The following INPP4B variants were observed in gnomAD, a reference collection of about 807,000 sequenced individuals.
The protein encoded by INPP4B is inositol polyphosphate-4-phosphatase type II B.
Under a neutral mutation model 122.5 loss-of-function variants are expected in INPP4B, and 55 were observed. The ratio of observed to expected loss-of-function variants is 0.45; its 90% CI spans 0.36 to 0.56. INPP4B has a LOEUF of 0.56. INPP4B is among the 20% of genes least tolerant of loss of function. INPP4B has a pLI of 0.00. For synonymous variants in INPP4B, 403 were observed against 388.7 expected (o/e 1.04, Z -0.43); for missense variants, 1,000 against 1,097.7 (o/e 0.91, Z 1.26).
chr4:142,762,996 G>A (rs1320225774), intron 1 of INPP4B, among the ~76,000 whole-genome samples: 7 of 152,100 alleles, frequency 4.6e-5, no homozygotes, highest in Admixed American at 2.6e-4. Context: ...CTTGAAAGCC[G>A]AGAGCAATCC....
chr4:142,480,749 CAA>C (rs1216525668), intron 2 of INPP4B, among the ~76,000 whole-genome samples: 1 of 151,968 alleles, frequency 6.6e-6, no homozygotes, highest in Non-Finnish European at 1.5e-5. Flanking sequence ...TAGCTGAAGA[CAA>C]GAGGATAATC....
At chr4:142,730,680 C>T (rs746629571) in intron 1 of INPP4B, among the ~76,000 whole-genome samples, 23 of 152,164 alleles carry the variant, frequency 1.5e-4, no homozygotes, top group Non-Finnish European at 3.2e-4. Flanking sequence ...ACTTATATTG[C>T]CTTCTTGAGT....
chr4:142,775,922 G>A (rs540425763), intron 1 of INPP4B, among the ~76,000 whole-genome samples: 20 of 152,100 alleles, frequency 1.3e-4, no homozygotes, highest in African/African-American at 4.6e-4. Context: ...ATTTGATTTT[G>A]TCAAATGCTT....
At chr4:142,449,787 C>T (rs1580094076) in intron 3 of INPP4B, among the ~76,000 whole-genome samples, 3 of 152,004 alleles carry the variant, frequency 2.0e-5, no homozygotes, top group Admixed American at 6.5e-5. Flanking sequence ...CATAGAAGAC[C>T]GCTTGGATTC....
At chr4:142,487,475 A>G (rs979964076) in intron 2 of INPP4B, among the ~76,000 whole-genome samples, 1 of 152,094 alleles carries the variant, frequency 6.6e-6, no homozygotes, top group Non-Finnish European at 1.5e-5. Context: ...TAGCTTGTCA[A>G]TTTCTACCCT....
intron 21 of INPP4B, among the ~76,000 whole-genome samples, chr4:142,113,260 C>T (rs886272980): frequency 3.3e-5 from 5 of 151,938 alleles, no homozygotes; most frequent in African/African-American, 4.8e-5. Flanking sequence ...TTAAAAACTA[C>T]CCCTATTTTT....
chr4:142,200,653 T>C (rs548273259), intron 14 of INPP4B, among the ~76,000 whole-genome samples: 1 of 151,974 alleles, frequency 6.6e-6, no homozygotes, highest in Non-Finnish European at 1.5e-5. Context: ...TAAAGCAGGT[T>C]GGGGATAAGA....
intron 2 of INPP4B, among the ~76,000 whole-genome samples, chr4:142,603,902 G>GAACACA (rs1740631869): frequency 1.2e-5 from 1 of 80,466 alleles, no homozygotes; most frequent in African/African-American, 3.7e-5. Flanking sequence ...AACCAGACAA[G>GAACACA]AACACACACA....
At chr4:142,824,825 A>T (rs1379757333) in intron 1 of INPP4B, among the ~76,000 whole-genome samples, 1 of 152,124 alleles carries the variant, frequency 6.6e-6, no homozygotes, top group African/African-American at 2.4e-5. Flanking sequence ...TCTAGAACTT[A>T]AAAAACGTAT....
At chr4:142,217,745 C>G (rs756176799) in intron 12 of INPP4B, among the ~76,000 whole-genome samples, 1 of 152,086 alleles carries the variant, frequency 6.6e-6, no homozygotes, top group Non-Finnish European at 1.5e-5. Context: ...ACATTTGAAT[C>G]GGTAGCCTCA....
chr4:142,152,928 T>C (rs1172614761), intron 17 of INPP4B, among the ~76,000 whole-genome samples: 1 of 152,194 alleles, frequency 6.6e-6, no homozygotes, highest in Admixed American at 6.5e-5. Flanking sequence ...TTATACTTAT[T>C]GAATATCTAT....
intron 2 of INPP4B, among the ~76,000 whole-genome samples, chr4:142,650,780 T>G (rs1752783593): frequency 6.6e-6 from 1 of 152,174 alleles, no homozygotes; most frequent in South Asian, 2.1e-4. Flanking sequence ...TGGGAGATTT[T>G]AACACCCCAC....
intron 2 of INPP4B, among the ~76,000 whole-genome samples, chr4:142,628,509 A>T (rs911690071): frequency 7.1e-6 from 1 of 141,258 alleles, no homozygotes; most frequent in Non-Finnish European, 1.5e-5. Context: ...ACATGTATAC[A>T]TATGTGACTG....
intron 1 of INPP4B, among the ~76,000 whole-genome samples, chr4:142,742,364 G>T (rs1768030025): frequency 6.6e-6 from 1 of 151,956 alleles, no homozygotes. Flanking sequence ...CAATTTTCCT[G>T]CTCTATCTTG....
intron 23 of INPP4B, among the ~76,000 whole-genome samples, chr4:142,090,762 G>A (rs1237654532): frequency 3.3e-5 from 5 of 151,308 alleles, no homozygotes; most frequent in African/African-American, 9.7e-5. Context: ...TTACAAGAAT[G>A]TTTATTGCAT....
chr4:142,356,205 T>C (rs1323652478), intron 7 of INPP4B, among the ~76,000 whole-genome samples: 2 of 149,354 alleles, frequency 1.3e-5, no homozygotes, highest in Admixed American at 6.8e-5. Context: ...ATTGGCAGAA[T>C]ACCTTTAAAG....
At chr4:142,190,970 G>GT (rs907279950) in intron 15 of INPP4B, among the ~76,000 whole-genome samples, 5 of 152,144 alleles carry the variant, frequency 3.3e-5, no homozygotes, top group African/African-American at 9.6e-5. Flanking sequence ...CCTATGGGCA[G>GT]TTTTGAGTCT....
chr4:142,073,832 GCCTGCAT>G (rs1386451854), intron 25 of INPP4B, among the ~76,000 whole-genome samples: 1 of 152,172 alleles, frequency 6.6e-6, no homozygotes, highest in East Asian at 1.9e-4. Flanking sequence ...GGTTTGGGCT[GCCTGCAT>G]CTCAGCCTTC....
intron 15 of INPP4B, among the ~76,000 whole-genome samples, chr4:142,188,518 A>AAATAT (rs1834267141): frequency 5.7e-5 from 6 of 105,096 alleles, no homozygotes; most frequent in East Asian, 3.0e-4. Flanking sequence ...AAAGAAAAAA[A>AAATAT]ATATATATAG....
Sources: gnomAD v4.1 joint callset for allele counts (sites outside exome capture counted in the v4.1 genomes callset) on GRCh38, gnomAD v4.1.1 for gene constraint, MANE v1.5 for transcripts, NCBI Gene and HGNC (gene_info 2026-07-23, HGNC 2026-07-21) for gene names.